The following PRKG1 variants were observed in gnomAD, a reference collection of about 807,000 sequenced individuals.
The protein encoded by PRKG1 is protein kinase cGMP-dependent 1.
Under a neutral mutation model 88.1 loss-of-function variants are expected in PRKG1, and 35 were observed. That is an observed-to-expected ratio of 0.40 (90% confidence interval 0.30 to 0.53). The LOEUF is 0.53. Ranked by LOEUF, PRKG1 falls within the 20% of genes least tolerant of loss-of-function variation. The pLI, the probability that PRKG1 is intolerant of heterozygous loss-of-function variation, is 0.59. For missense variants in PRKG1, 540 were observed against 839.8 expected (o/e 0.64, Z 4.41); for synonymous variants, 303 against 292.5 (o/e 1.04, Z -0.37).
At chr10:51,700,808 A>G (rs1841445996) in intron 3 of PRKG1, among the ~76,000 whole-genome samples, 1 of 152,268 alleles carries the variant, frequency 6.6e-6, no homozygotes, top group Admixed American at 6.5e-5. Context: ...AATGTTCAGT[A>G]AGCTATTGGA....
intron 2 of PRKG1, among the ~76,000 whole-genome samples, chr10:51,310,461 T>C (rs994125984): frequency 6.6e-6 from 1 of 152,158 alleles, no homozygotes; most frequent in Non-Finnish European, 1.5e-5. Flanking sequence ...AATCATTCCA[T>C]AGCAAACGCA....
chr10:51,831,358 A>C (rs1358071704), intron 4 of PRKG1, among the ~76,000 whole-genome samples: 1 of 148,272 alleles, frequency 6.7e-6, no homozygotes, highest in Non-Finnish European at 1.5e-5. Flanking sequence ...ATTAAAAACC[A>C]CTTCAATGCT....
chr10:51,013,134 C>A (rs372808019), intron 1 of PRKG1, among the ~76,000 whole-genome samples: 176 of 151,716 alleles, frequency 1.2e-3, no homozygotes, highest in African/African-American at 4.1e-3. Context: ...AACCAAGGAA[C>A]AAGAGAAACT....
chr10:51,582,374 A>G (rs565389304), intron 3 of PRKG1, among the ~76,000 whole-genome samples: 9 of 152,222 alleles, frequency 5.9e-5, no homozygotes, highest in African/African-American at 2.2e-4. Context: ...CAGGTTTGTT[A>G]CATAGGTAAA....
intron 1 of PRKG1, among the ~76,000 whole-genome samples, chr10:51,037,534 A>C (rs1438896177): frequency 6.6e-6 from 1 of 152,140 alleles, no homozygotes; most frequent in Non-Finnish European, 1.5e-5. Context: ...CTGTAATCCC[A>C]GCACTTTGGG....
chr10:51,984,173 C>A (rs1288394158), intron 5 of PRKG1, among the ~76,000 whole-genome samples: 4 of 152,046 alleles, frequency 2.6e-5, no homozygotes, highest in Non-Finnish European at 5.9e-5. Context: ...AGGCATGTTA[C>A]AAAGGGTGAT....
At chr10:52,129,260 C>A (rs1033679102) in intron 7 of PRKG1, among the ~76,000 whole-genome samples, 1 of 152,004 alleles carries the variant, frequency 6.6e-6, no homozygotes, top group Admixed American at 6.6e-5. Flanking sequence ...TTTATTAAGA[C>A]CTTTGTATTA....
intron 3 of PRKG1, among the ~76,000 whole-genome samples, chr10:51,673,075 C>G (rs189947602): frequency 5.9e-5 from 9 of 152,248 alleles, no homozygotes; most frequent in Non-Finnish European, 1.0e-4. Flanking sequence ...AGAGCCATCC[C>G]AAGGTCAGTC....
intron 7 of PRKG1, among the ~76,000 whole-genome samples, chr10:52,082,312 C>A (rs1846798875): frequency 6.6e-6 from 1 of 152,110 alleles, no homozygotes; most frequent in Non-Finnish European, 1.5e-5. Context: ...CAAACCATAT[C>A]ATTACATCCT....
chr10:51,739,983 G>T lies in PRKG1; in HGVS notation c.593-64602G>T, dbSNP rs146574587. ...AGTACAGAGATTTTCAATATTTTTG[G>T]TCTCCAGAGCACTTTACAGTCTTAA... On this transcript the variant is annotated intron_variant, in intron 3 of 17. Coordinates refer to ENST00000373980, the MANE Select transcript of PRKG1 (RefSeq NM_006258.4). Among the ~76,000 whole-genome samples the T allele has an allele frequency of 3.9e-5, 6 of 152,150 alleles. 1 individual carries two copies. The highest frequency in any genetic ancestry group is 2.1e-4 in the South Asian group (1 of 4,824).
chr10:51,455,103 A>G (rs1400547703), intron 2 of PRKG1, among the ~76,000 whole-genome samples: 1 of 152,168 alleles, frequency 6.6e-6, no homozygotes, highest in East Asian at 1.9e-4. Flanking sequence ...CTGTGCATCC[A>G]CAGACTCAAC....
chr10:51,809,629 C>T (rs942466197), intron 4 of PRKG1, among the ~76,000 whole-genome samples: 9 of 152,138 alleles, frequency 5.9e-5, no homozygotes, highest in African/African-American at 1.9e-4. Flanking sequence ...TAGTGGTGGA[C>T]CCTGATTTAT....
At chr10:51,406,702 G>A (rs1034609672) in intron 2 of PRKG1, among the ~76,000 whole-genome samples, 1 of 151,076 alleles carries the variant, frequency 6.6e-6, no homozygotes, top group Non-Finnish European at 1.5e-5. Flanking sequence ...TGCAACAATA[G>A]GTGAATTCTC....
chr10:51,458,819 A>G (rs1188758355), intron 2 of PRKG1, among the ~76,000 whole-genome samples: 1 of 152,106 alleles, frequency 6.6e-6, no homozygotes, highest in African/African-American at 2.4e-5. Context: ...GTCTACTTAT[A>G]TGTAGGTATT....
chr10:52,283,336 C>T (rs1170033418), intron 14 of PRKG1, among the ~76,000 whole-genome samples: 1 of 151,994 alleles, frequency 6.6e-6, no homozygotes, highest in Non-Finnish European at 1.5e-5. Flanking sequence ...AATTGTGAGG[C>T]AGGATGTGAA....
At chr10:52,249,805 G>T (rs1236589597) in intron 9 of PRKG1, among the ~76,000 whole-genome samples, 1 of 151,914 alleles carries the variant, frequency 6.6e-6, no homozygotes, top group Non-Finnish European at 1.5e-5. Context: ...GCCTCAGCCT[G>T]GGTGACACAG....
chr10:51,032,989 T>G (rs958486271), intron 1 of PRKG1, among the ~76,000 whole-genome samples: 20 of 152,118 alleles, frequency 1.3e-4, no homozygotes, highest in African/African-American at 1.9e-4. Flanking sequence ...CCGACGTATC[T>G]TATTTCTACT....
intron 9 of PRKG1, among the ~76,000 whole-genome samples, chr10:52,182,984 T>C (rs188690345): frequency 7.6e-4 from 115 of 152,208 alleles, no homozygotes; most frequent in Middle Eastern, 6.8e-3. Context: ...AGCAAGCATT[T>C]TATATGATGA....
rs146163630 is a variant in PRKG1, at chr10:51,946,248, G to C, written c.762+38678G>C. ...CTGATACCCTTTCTTCCAGTTGATC[G>C]CATCGGCTCCTGAGCCTTCTGCATT... On this transcript the variant is annotated intron_variant, in intron 5 of 17. Transcript: ENST00000373980. Among the ~76,000 whole-genome samples the C allele has an allele frequency of 2.6e-5, 4 of 151,776 alleles. No individual in the cohort carries two copies. In the East Asian group the frequency reaches 5.8e-4, roughly 22 times the overall value.
Sources: gnomAD v4.1 joint callset for allele counts (sites outside exome capture counted in the v4.1 genomes callset) on GRCh38, gnomAD v4.1.1 for gene constraint, MANE v1.5 for transcripts, NCBI Gene and HGNC (gene_info 2026-07-23, HGNC 2026-07-21) for gene names.